ACSF3: variants seen among roughly 807,000 people sequenced by gnomAD.
ACSF3 encodes the protein acyl-CoA synthetase family member 3.
A neutral mutation model predicts 53.2 loss-of-function variants in ACSF3; 78 were observed. That is an observed-to-expected ratio of 1.47 (90% confidence interval 1.22 to 1.77). The LOEUF (loss-of-function observed/expected upper bound fraction) is 1.77, where lower values mean the gene tolerates loss of function less well. Ranked by LOEUF, ACSF3 falls within the 40% of genes most tolerant of loss-of-function variation. The pLI, the probability that ACSF3 is intolerant of heterozygous loss-of-function variation, is 0.00. For synonymous variants in ACSF3, 414 were observed against 333.1 expected (o/e 1.24, Z -2.65); for missense variants, 937 against 771.1 (o/e 1.22, Z -2.55).
chr16:89,103,080 T>C (rs1238209102), intron 4 of ACSF3, among the ~76,000 whole-genome samples: 2 of 152,242 alleles, frequency 1.3e-5, no homozygotes, highest in African/African-American at 2.4e-5. Context: ...GTTATAACCA[T>C]GTACTGTAAT....
chr16:89,144,252 C>T (rs922935003), intron 8 of ACSF3, among the ~76,000 whole-genome samples: 14 of 152,350 alleles, frequency 9.2e-5, no homozygotes, highest in Admixed American at 3.3e-4. Flanking sequence ...AGGAAGAAAA[C>T]GAAGGAAGCT....
intron 8 of ACSF3, among the ~76,000 whole-genome samples, chr16:89,142,138 G>C (rs1911887076): frequency 6.6e-6 from 1 of 152,210 alleles, no homozygotes; most frequent in Non-Finnish European, 1.5e-5. Flanking sequence ...ACAGCAGGCA[G>C]CTGGGGCCTG....
chr16:89,099,908 A>G (rs1234032716), intron 2 of ACSF3, among the ~76,000 whole-genome samples: 1 of 151,716 alleles, frequency 6.6e-6, no homozygotes, highest in South Asian at 2.1e-4. Flanking sequence ...GGAAAAAAGC[A>G]TGGCTTACAC....
chr16:89,129,807 A>G (rs1172817793), intron 7 of ACSF3, among the ~76,000 whole-genome samples: 1 of 152,220 alleles, frequency 6.6e-6, no homozygotes, highest in East Asian at 1.9e-4. Context: ...AGAAACTACA[A>G]TATACATACT....
chr16:89,132,601 T>C (rs1182998438), intron 7 of ACSF3, among the ~76,000 whole-genome samples: 2 of 152,238 alleles, frequency 1.3e-5, no homozygotes, highest in African/African-American at 4.8e-5. Flanking sequence ...CCACCTTCCC[T>C]TCCCACGGAG....
intron 6 of ACSF3, among the ~76,000 whole-genome samples, chr16:89,118,124 C>T (rs1386284289): frequency 1.4e-5 from 2 of 139,092 alleles, no homozygotes; most frequent in Non-Finnish European, 3.1e-5. Context: ...CAGATTCCCT[C>T]GGGCGCCGGG....
intron 7 of ACSF3, 30 bp downstream of exon 7, chr16:89,120,943 G>A (rs766119575): frequency 2.6e-5 from 41 of 1,600,310 alleles, no homozygotes; most frequent in East Asian, 6.7e-5. Flanking sequence ...GCAGGTGGGC[G>A]GCCGTGTGTC....
chr16:89,141,620 C>T (rs529827237), intron 8 of ACSF3, among the ~76,000 whole-genome samples: 16 of 152,340 alleles, frequency 1.1e-4, no homozygotes, highest in Non-Finnish European at 2.1e-4. Flanking sequence ...GCCCGGGAGA[C>T]GCATGTGGGA....
At chr16:89,117,151 G>A (rs910392807) in intron 6 of ACSF3, among the ~76,000 whole-genome samples, 1 of 152,208 alleles carries the variant, frequency 6.6e-6, no homozygotes, top group Non-Finnish European at 1.5e-5. Flanking sequence ...GGACATGTGA[G>A]CAGGACAAGT....
At chr16:89,144,477 C>T (rs371688807) in intron 8 of ACSF3, among the ~76,000 whole-genome samples, 1 of 152,234 alleles carries the variant, frequency 6.6e-6, no homozygotes, top group Non-Finnish European at 1.5e-5. Context: ...GTGGCCTCTG[C>T]GTGGGCCTTG....
rs558252891 is a variant in ACSF3 at position 89,139,707 on chromosome 16, T to G, written c.1367-5560T>G. Among the ~76,000 whole-genome samples, 8 of 151,184 alleles carry G rather than the reference T, an allele frequency of 5.3e-5. No individual in the cohort carries two copies. The East Asian group carries it at 1.6e-3, about 30-fold the overall frequency. On this transcript the variant is annotated intron_variant, in intron 8 of 10. Coordinates refer to ENST00000614302, the MANE Select transcript of ACSF3 (RefSeq NM_001243279.3). Reference sequence around the variant, plus strand: ...TTCCGGGTTCAAGCAATTCTCCTGCTTCAGCCTCCCGAGAGTAGCTGGGAT... The same window carrying G: ...TTCCGGGTTCAAGCAATTCTCCTGCGTCAGCCTCCCGAGAGTAGCTGGGAT...
intron 4 of ACSF3, among the ~76,000 whole-genome samples, chr16:89,106,796 G>A (rs910225143): frequency 2.6e-5 from 4 of 152,204 alleles, no homozygotes; most frequent in Admixed American, 2.0e-4. Flanking sequence ...AGACACCTGC[G>A]GTGGTGCTGA....
chr16:89,100,574 G>T, intron 2 of ACSF3, 88 bp from the exon 3 acceptor site: 1 of 1,298,870 alleles, frequency 7.7e-7, no homozygotes, highest in Non-Finnish European at 1.1e-6. Flanking sequence ...TACCTGGCTG[G>T]GTACTGGGGA....
At chr16:89,123,719 C>G (rs1224601532) in intron 7 of ACSF3, among the ~76,000 whole-genome samples, 1 of 152,164 alleles carries the variant, frequency 6.6e-6, no homozygotes, top group Non-Finnish European at 1.5e-5. Context: ...CAGAAAGTAC[C>G]TGCAGAAAGG....
chr16:89,126,725 C>T (rs1336863860), intron 7 of ACSF3, among the ~76,000 whole-genome samples: 2 of 152,226 alleles, frequency 1.3e-5, no homozygotes, highest in African/African-American at 4.8e-5. Flanking sequence ...GGAATTTCTA[C>T]AAATACAATC....
intron 10 of ACSF3, chr16:89,152,848 C>T (rs1597277643): frequency 1.3e-5 from 2 of 152,192 alleles, no homozygotes; most frequent in South Asian, 2.1e-4. Flanking sequence ...CCACTGCACT[C>T]TGGCCCAGGC....
chr16:89,111,907 G>A (rs1435929079), intron 4 of ACSF3, among the ~76,000 whole-genome samples, 185 bp from the exon 5 acceptor site: 1 of 152,208 alleles, frequency 6.6e-6, no homozygotes, highest in East Asian at 1.9e-4. Context: ...CAGGCCAGAC[G>A]CAGCTGTCCC....
chr16:89,099,412 A>G (rs1350112823), intron 2 of ACSF3, among the ~76,000 whole-genome samples: 2 of 152,084 alleles, frequency 1.3e-5, no homozygotes. Context: ...TTTAGTAGTT[A>G]AGTTTTTGGG....
intron 6 of ACSF3, chr16:89,114,794 A>C: frequency 2.3e-6 from 1 of 438,532 alleles, no homozygotes; most frequent in Non-Finnish European, 4.3e-6. Flanking sequence ...TGCATGTCTC[A>C]GAGGAAGGCG....
Sources: allele counts gnomAD v4.1 joint callset (sites outside exome capture counted in the v4.1 genomes callset), GRCh38; gene constraint gnomAD v4.1.1; transcripts MANE v1.5; gene names NCBI Gene and HGNC (gene_info 2026-07-23, HGNC 2026-07-21).